HK2: variants seen among roughly 807,000 people sequenced by gnomAD.
HK2 encodes hexokinase-2.
Under a neutral mutation model 92.9 loss-of-function variants are expected in HK2, and 42 were observed. The ratio of observed to expected loss-of-function variants is 0.45; its 90% CI spans 0.35 to 0.58. HK2 has a LOEUF of 0.58. Ranked by LOEUF, HK2 falls within the 20% of genes least tolerant of loss-of-function variation. The pLI, the probability that HK2 is intolerant of heterozygous loss-of-function variation, is 0.00. For synonymous variants in HK2, 422 were observed against 468.0 expected (o/e 0.90, Z 1.27); for missense variants, 978 against 1,245.1 (o/e 0.79, Z 3.23).
At position 74,882,137 on chromosome 2, in the gene HK2, C is replaced by T; in HGVS notation, c.1737C>T (p.Val579=). 6.2e-7 allele frequency: 1 copy of T among 1,614,204 alleles called. No homozygotes were observed. Among genetic ancestry groups the T allele is most frequent in the Non-Finnish European group, 8.5e-7 (1 of 1,180,032 alleles). ...CCCTGCAGCTCTTTGACCACATTGT[C>T]CAGTGCATCGCGGACTTCCTCGAGT... is the stretch of plus-strand genomic sequence containing the variant. The part of the protein sequence containing the change: ...GTGDELFDHI[V]QCIADFLEYM... The change falls in exon 12 of 18, where the codon GTC becomes GTT. Residue 579 remains valine, a synonymous_variant. Coordinates refer to ENST00000290573, the MANE Select transcript of HK2 (RefSeq NM_000189.5).
chr2:74,847,671 C>T (rs1284191894), intron 1 of HK2, among the ~76,000 whole-genome samples: 1 of 152,096 alleles, frequency 6.6e-6, no homozygotes, highest in Non-Finnish European at 1.5e-5. Flanking sequence ...CGTCATTGCA[C>T]TCCAGCCTGG....
At chr2:74,859,502 C>T (rs772509313) in intron 2 of HK2, among the ~76,000 whole-genome samples, 3 of 152,082 alleles carry the variant, frequency 2.0e-5, no homozygotes, top group East Asian at 1.9e-4. Flanking sequence ...CTGGCTAACA[C>T]GGTGAAACCC....
chr2:74,870,604 A>G (rs1298371435), intron 3 of HK2, among the ~76,000 whole-genome samples: 1 of 136,544 alleles, frequency 7.3e-6, no homozygotes, highest in Non-Finnish European at 1.5e-5. Flanking sequence ...ACTAAAGATC[A>G]TTTTGACTAG....
intron 2 of HK2, among the ~76,000 whole-genome samples, chr2:74,854,870 C>G (rs1297553905): frequency 2.0e-5 from 3 of 152,146 alleles, no homozygotes; most frequent in African/African-American, 7.2e-5. Flanking sequence ...AACTGGGACG[C>G]CGGACGCCGT....
chr2:74,838,084 C>G (rs921461631), intron 1 of HK2, among the ~76,000 whole-genome samples: 3 of 152,324 alleles, frequency 2.0e-5, no homozygotes, highest in South Asian at 2.1e-4. Context: ...CCTTCTCCCC[C>G]TCCTGTGTGC....
chr2:74,879,686 A>ACTCCACTTG (rs1689333931), intron 9 of HK2, among the ~76,000 whole-genome samples: 4 of 152,214 alleles, frequency 2.6e-5, no homozygotes, highest in Non-Finnish European at 5.9e-5. Context: ...AAGGCCCTGG[A>ACTCCACTTG]GACCATGGCT....
At chr2:74,864,318 A>G (rs762060160) in intron 2 of HK2, among the ~76,000 whole-genome samples, 9 of 152,224 alleles carry the variant, frequency 5.9e-5, no homozygotes, top group Non-Finnish European at 1.3e-4. Flanking sequence ...TACTCTGGAC[A>G]TGCCATTTTT....
chr2:74,885,845 A>AACACAC (rs71406901), intron 13 of HK2, among the ~76,000 whole-genome samples: 4,766 of 129,080 alleles, frequency 0.037, 104 homozygotes, highest in Admixed American at 0.042. Context: ...AGAGCTGTGA[A>AACACAC]ACACACACAC....
At chr2:74,845,508 C>T (rs941626509) in intron 1 of HK2, among the ~76,000 whole-genome samples, 2 of 152,254 alleles carry the variant, frequency 1.3e-5, no homozygotes, top group Non-Finnish European at 2.9e-5. Flanking sequence ...GTCTGTCTGG[C>T]TGTAACTTGA....
intron 1 of HK2, among the ~76,000 whole-genome samples, chr2:74,846,326 T>C (rs1688434961): frequency 6.6e-6 from 1 of 151,540 alleles, no homozygotes; most frequent in African/African-American, 2.4e-5. Flanking sequence ...GCCTTTTTTT[T>C]CCAGCGTCTT....
chr2:74,871,844 C>G (rs1200168895), intron 3 of HK2, among the ~76,000 whole-genome samples: 2 of 152,184 alleles, frequency 1.3e-5, no homozygotes, highest in Non-Finnish European at 1.5e-5. Context: ...TCACCAGAGA[C>G]AGGGATACTA....
intron 8 of HK2, among the ~76,000 whole-genome samples, chr2:74,878,403 CCGTGTGTCTCTGTG>C (rs1689285741): frequency 7.6e-6 from 1 of 131,706 alleles, no homozygotes; most frequent in African/African-American, 3.4e-5. Context: ...TTTCTCAACT[CCGTGTGTCTCTGTG>C]TGTGTGTGTG....
chr2:74,847,548 C>T (rs6755864), intron 1 of HK2, among the ~76,000 whole-genome samples: 3,239 of 151,962 alleles, frequency 0.021, 115 homozygotes, highest in African/African-American at 0.073. Context: ...CAGCTGGGTA[C>T]GAGGGTGCAT....
At chr2:74,836,807 G>A in intron 1 of HK2, among the ~76,000 whole-genome samples, 1 of 152,214 alleles carries the variant, frequency 6.6e-6, no homozygotes. Context: ...GAAGAATTAA[G>A]AGAGAAGAAT....
chr2:74,863,473 C>A (rs373649313), intron 2 of HK2, among the ~76,000 whole-genome samples: 1 of 152,108 alleles, frequency 6.6e-6, no homozygotes, highest in Non-Finnish European at 1.5e-5. Flanking sequence ...GAATGGTGGC[C>A]GGCATTGCAT....
At chr2:74,854,988 G>A (rs1688661365) in intron 2 of HK2, among the ~76,000 whole-genome samples, 2 of 152,116 alleles carry the variant, frequency 1.3e-5, no homozygotes, top group South Asian at 2.1e-4. Flanking sequence ...AGTATGGAGC[G>A]TCACAGTGCA....
At position 74,885,845 on chromosome 2, in the gene HK2, A is replaced by AACACACACACAC. The variant is rs71406901; in HGVS notation, c.1935+286_1935+297dup. ...TGGCAGGTGCTGTTAAGAGCTGTGA[A>AACACACACACAC]ACACACACACACACACACACACACA... On this transcript the variant is annotated intron_variant, in intron 13 of 17. Transcript: ENST00000290573. Among the ~76,000 whole-genome samples, 877 of 129,126 alleles carry AACACACACACAC rather than the reference A, an allele frequency of 6.8e-3. 18 individuals carry two copies. Among genetic ancestry groups the AACACACACACAC allele is most frequent in the African/African-American group, 0.023 (696 of 30,336 alleles). 84.7% of individuals were successfully genotyped at this position (129,126 alleles called of 152,430 possible).
chr2:74,855,278 G>T (rs554683113), intron 2 of HK2, among the ~76,000 whole-genome samples: 4 of 152,180 alleles, frequency 2.6e-5, no homozygotes, highest in Non-Finnish European at 5.9e-5. Context: ...TACAGCTACC[G>T]CGCCCGCTGC....
At chr2:74,837,982 C>G (rs1328564452) in intron 1 of HK2, among the ~76,000 whole-genome samples, 2 of 152,094 alleles carry the variant, frequency 1.3e-5, no homozygotes, top group African/African-American at 4.8e-5. Context: ...CCTGCCCTTG[C>G]CATTTTTGTG....
Sources: allele counts gnomAD v4.1 joint callset (sites outside exome capture counted in the v4.1 genomes callset), GRCh38; gene constraint gnomAD v4.1.1; transcripts MANE v1.5; gene names NCBI Gene and HGNC (gene_info 2026-07-23, HGNC 2026-07-21).